CREB5: variants seen among roughly 807,000 people sequenced by gnomAD.
CREB5 encodes cAMP responsive element binding protein 5.
A neutral mutation model predicts 57.1 loss-of-function variants in CREB5; 19 were observed. The observed-to-expected ratio is 0.33, with a 90% CI of 0.23 to 0.49. The LOEUF is 0.49. CREB5 is among the 20% of genes least tolerant of loss of function. CREB5 has a pLI of 0.99. For missense variants in CREB5, 579 were observed against 671.6 expected, an observed-to-expected ratio of 0.86 and a Z score of 1.52; for synonymous variants, 238 against 238.3, an observed-to-expected ratio of 1.00 and a Z score of 0.01.
At chr7:28,388,250 G>T (rs1787149817) in intron 1 of CREB5, among the ~76,000 whole-genome samples, 1 of 152,178 alleles carries the variant, frequency 6.6e-6, no homozygotes, top group Non-Finnish European at 1.5e-5. Flanking sequence ...CAAGCCTGTG[G>T]TTATGAATTT....
At chr7:28,353,271 C>T (rs906020420) in intron 1 of CREB5, among the ~76,000 whole-genome samples, 4 of 152,052 alleles carry the variant, frequency 2.6e-5, no homozygotes, top group East Asian at 1.9e-4. Context: ...TTAGTAGAGG[C>T]GGGATTGCAC....
chr7:28,811,536 G>A (rs528965831), intron 9 of CREB5, among the ~76,000 whole-genome samples: 1 of 152,052 alleles, frequency 6.6e-6, no homozygotes, highest in East Asian at 1.9e-4. Context: ...CGCCATGCCT[G>A]GCTAATTTTT....
intron 1 of CREB5, among the ~76,000 whole-genome samples, chr7:28,486,266 A>G (rs1425549270): frequency 7.9e-5 from 12 of 152,144 alleles, no homozygotes; most frequent in African/African-American, 2.9e-4. Context: ...GAAAGTATAT[A>G]TATATTTTCC....
At chr7:28,301,097 C>G (rs1198161859) in intron 1 of CREB5, among the ~76,000 whole-genome samples, 1 of 152,172 alleles carries the variant, frequency 6.6e-6, no homozygotes. Context: ...AAAGGTGACT[C>G]TAATATGTAG....
chr7:28,804,647 G>A, intron 8 of CREB5, 125 bp downstream of exon 8: 2 of 1,225,812 alleles, frequency 1.6e-6, no homozygotes, highest in Non-Finnish European at 2.3e-6. Flanking sequence ...ACATTCTAGG[G>A]GCTCTGTTTA....
chr7:28,403,827 C>G (rs1787525411), intron 1 of CREB5, among the ~76,000 whole-genome samples: 1 of 152,140 alleles, frequency 6.6e-6, no homozygotes, highest in Admixed American at 6.5e-5. Flanking sequence ...AGTTTTTTCT[C>G]TCTTGCAAAG....
At chr7:28,540,237 T>A (rs1007906234) in intron 4 of CREB5, among the ~76,000 whole-genome samples, 1 of 152,234 alleles carries the variant, frequency 6.6e-6, no homozygotes, top group Admixed American at 6.5e-5. Context: ...ATCCACAATT[T>A]GAAATTTATT....
chr7:28,743,766 A>G (rs997164094), intron 7 of CREB5, among the ~76,000 whole-genome samples: 13 of 148,174 alleles, frequency 8.8e-5, no homozygotes, highest in African/African-American at 3.2e-4. Context: ...CTTGGCTTGT[A>G]GATGGCCAAC....
chr7:28,509,464 G>A (rs186229924), intron 4 of CREB5, among the ~76,000 whole-genome samples: 3 of 151,946 alleles, frequency 2.0e-5, no homozygotes, highest in South Asian at 2.1e-4. Flanking sequence ...TTCTCTTTTC[G>A]CTTTGACTGC....
At chr7:28,792,752 T>A (rs1012743678) in intron 7 of CREB5, among the ~76,000 whole-genome samples, 3 of 152,208 alleles carry the variant, frequency 2.0e-5, no homozygotes, top group Non-Finnish European at 4.4e-5. Flanking sequence ...CATGCTGTTA[T>A]CAGTGATGAC....
At chr7:28,477,992 T>C (rs1194299019) in intron 1 of CREB5, among the ~76,000 whole-genome samples, 1 of 152,100 alleles carries the variant, frequency 6.6e-6, no homozygotes, top group Non-Finnish European at 1.5e-5. Flanking sequence ...TGCACACCTG[T>C]GGTGTCCCAA....
intron 7 of CREB5, among the ~76,000 whole-genome samples, chr7:28,729,065 C>G (rs374817048): frequency 4.7e-4 from 71 of 152,174 alleles, no homozygotes; most frequent in African/African-American, 1.7e-3. Flanking sequence ...GTCAATACCT[C>G]GTCTATAGTT....
At chr7:28,731,422 T>C (rs907291950) in intron 7 of CREB5, among the ~76,000 whole-genome samples, 1 of 152,350 alleles carries the variant, frequency 6.6e-6, no homozygotes, top group African/African-American at 2.4e-5. Flanking sequence ...CATTCGATTA[T>C]GTGTCTTGAA....
chr7:28,663,144 C>CAAA (rs77569783), intron 5 of CREB5, among the ~76,000 whole-genome samples: 1 of 147,356 alleles, frequency 6.8e-6, no homozygotes. Context: ...GATTCCATCT[C>CAAA]AAAAAAAAAA....
chr7:28,818,684 A>G (rs1809580508), intron 10 of CREB5: 3 of 448,932 alleles, frequency 6.7e-6, no homozygotes, highest in African/African-American at 4.0e-5. Flanking sequence ...AGTTGGTTAA[A>G]TGATAGTTGA....
intron 1 of CREB5, among the ~76,000 whole-genome samples, chr7:28,470,706 G>T (rs1040386094): frequency 1.3e-5 from 2 of 152,086 alleles, no homozygotes; most frequent in Non-Finnish European, 2.9e-5. Context: ...AGTGTATGAG[G>T]GTTCCCTTTA....
chr7:28,317,341 C>T (rs188945886), intron 1 of CREB5, among the ~76,000 whole-genome samples: 8 of 152,296 alleles, frequency 5.3e-5, no homozygotes, highest in Admixed American at 1.3e-4. Context: ...TTGTTTACCA[C>T]GTGACAAAGA....
Position 28,488,160 on chromosome 7 carries a change from C to T in CREB5, c.4-15C>T, listed in dbSNP as rs1366830081. 1.9e-6 allele frequency: 3 copies of T among 1,612,724 alleles called. No individual in the cohort carries two copies. Among genetic ancestry groups the T allele is most frequent in the African/African-American group, 2.7e-5 (2 of 74,868 alleles). On this transcript the variant is annotated splice_polypyrimidine_tract_variant and intron_variant, in intron 1 of 10. Coordinates refer to ENST00000357727, the MANE Select transcript of CREB5 (RefSeq NM_182898.4). ...GATTTCTTTTTCCTTCCTCCCTTTC[C>T]CTCTGATCCTTCAGATTTATGAGGA...
chr7:28,560,823 C>CGT (rs1442862711), intron 4 of CREB5, among the ~76,000 whole-genome samples: 774 of 34,462 alleles, frequency 0.022, 60 homozygotes, highest in Admixed American at 0.057. Flanking sequence ...TGTGTGTGTG[C>CGT]GCGCGCGCGC....
Sources: allele counts gnomAD v4.1 joint callset (sites outside exome capture counted in the v4.1 genomes callset), GRCh38; gene constraint gnomAD v4.1.1; transcripts MANE v1.5; gene names NCBI Gene and HGNC (gene_info 2026-07-23, HGNC 2026-07-21).